Variants in U2AF2 observed in about 807,000 individuals in gnomAD.
U2AF2 encodes U2 small nuclear RNA auxiliary factor 2, also known as splicing factor U2AF 65 kDa subunit.
A neutral mutation model predicts 52.6 loss-of-function variants in U2AF2; 6 were observed. That is an observed-to-expected ratio of 0.11 (90% CI 0.06 to 0.23). U2AF2 has a LOEUF of 0.23. Ranked by LOEUF, U2AF2 falls within the 10% of genes least tolerant of loss-of-function variation. U2AF2 has a pLI of 1.00. For missense variants in U2AF2, 222 were observed against 677.1 expected (o/e 0.33, Z 7.46); for synonymous variants, 284 against 258.2 (o/e 1.10, Z -0.96).
rs1258177950 is a variant in U2AF2 at position 55,660,083 on chromosome 19, C to T, written c.186-94C>T. 5 of 1,283,590 alleles carry T rather than the reference C, an allele frequency of 3.9e-6. No homozygotes were observed. The East Asian group carries it at 1.2e-4, about 32-fold the overall frequency. 79.5% of individuals were successfully genotyped at this position (1,283,590 alleles called of 1,614,324 possible). A position where few individuals can be genotyped will look rare whatever the true frequency, so the allele number is the denominator to read the frequency against. On this transcript the variant is annotated intron_variant, in intron 2 of 11. Coordinates refer to ENST00000308924, the MANE Select transcript of U2AF2 (RefSeq NM_007279.3). ...CTTGTTGACCTCGGCCCTGCTCCCACCCTGGGGCTCAGTGCCCTTGGGGGG... is the reference window on the plus strand; with the variant it reads ...CTTGTTGACCTCGGCCCTGCTCCCATCCTGGGGCTCAGTGCCCTTGGGGGG...
chr19:55,665,217 C>T (rs1984472283), intron 7 of U2AF2, among the ~76,000 whole-genome samples: 1 of 152,262 alleles, frequency 6.6e-6, no homozygotes, highest in South Asian at 2.1e-4. Flanking sequence ...AGTGGCCCGC[C>T]ACTTGCTGGT....
At chr19:55,669,836 C>A (rs557958835) in intron 11 of U2AF2, 144 bp downstream of exon 11, 2 of 1,306,890 alleles carry the variant, frequency 1.5e-6, no homozygotes, top group East Asian at 2.5e-5. Context: ...TCTCGCAGCG[C>A]GTGCGTATAG....
chr19:55,656,465 GT>G (rs964208602), intron 1 of U2AF2, among the ~76,000 whole-genome samples: 8 of 152,128 alleles, frequency 5.3e-5, no homozygotes, highest in African/African-American at 1.9e-4. Context: ...CTGCTTTGTC[GT>G]TTAGTAACTG....
rs1449125585 is a variant in U2AF2 at position 55,668,879 on chromosome 19, C to T, written c.945+87C>T. 2.3e-5 allele frequency: 35 copies of T among 1,549,662 alleles called. No individual in the cohort carries two copies. The highest frequency in any genetic ancestry group is 3.5e-5 in the Admixed American group (2 of 56,440). Reference sequence around the variant, plus strand: ...GCCATGGTCTCCCCTCCTCAGGGGACGGGGCGGGAGGCGGCCAACCTGAGG... The same window carrying T: ...GCCATGGTCTCCCCTCCTCAGGGGATGGGGCGGGAGGCGGCCAACCTGAGG... On this transcript the variant is annotated intron_variant, in intron 9 of 11. Transcript: ENST00000308924. The surrounding 1 kb of genome is among the most constrained non-coding windows in gnomAD (Gnocchi z 5.5).
At position 55,674,261 on chromosome 19, in the gene U2AF2, G is replaced by A; in HGVS notation, c.*193G>A. The A allele has an allele frequency of 1.8e-6, 1 of 550,446 alleles. No individual in the cohort carries two copies. The highest frequency in any genetic ancestry group is 3.4e-5 in the Admixed American group (1 of 29,748). The allele number at this position is 550,446 out of a possible 1,614,324, so 34.1% of individuals were successfully genotyped here. On this transcript the variant is annotated 3_prime_UTR_variant, in exon 12 of 12. Transcript: ENST00000308924. ...GGGGTTGGGGGGTTAGGGCAGGGAG[G>A]GGACTGGGGAAGTGCGCACACAGCC...
intron 11 of U2AF2, among the ~76,000 whole-genome samples, chr19:55,673,344 TTTA>T (rs1159350150): frequency 2.3e-4 from 35 of 152,256 alleles, no homozygotes; most frequent in Admixed American, 2.2e-3. Flanking sequence ...TGCAAGCTCT[TTTA>T]TTTGTAGAAG....
intron 1 of U2AF2, 92 bp from the exon 2 acceptor site, chr19:55,659,118 G>A (rs899372757): frequency 1.4e-6 from 2 of 1,388,576 alleles, no homozygotes; most frequent in Non-Finnish European, 9.4e-7. Flanking sequence ...TGGCCTCCCT[G>A]GGGCTTGGGA....
intron 2 of U2AF2, 73 bp from the exon 3 acceptor site, chr19:55,660,104 G>A: frequency 1.4e-6 from 2 of 1,473,620 alleles, no homozygotes; most frequent in Non-Finnish European, 1.9e-6. Flanking sequence ...AGTGCCCTTG[G>A]GGGGGTGTGG....
In U2AF2 at chr19:55,668,906, A is replaced by T. The variant is rs1238967809; in HGVS notation, c.945+114A>T. On this transcript the variant is annotated intron_variant, in intron 9 of 11. Transcript: ENST00000308924. The surrounding 1 kb of genome is among the most constrained non-coding windows in gnomAD (Gnocchi z 5.5). ...GGGCGGGAGGCGGCCAACCTGAGGC[A>T]GTGCCCTGTGTGTGGGCTCGTCCCT... 2 of 1,529,474 alleles carry T rather than the reference A, an allele frequency of 1.3e-6. No homozygotes were observed. Among genetic ancestry groups the T allele is most frequent in the Non-Finnish European group, 1.8e-6 (2 of 1,135,306 alleles). 94.7% of individuals were successfully genotyped at this position (1,529,474 alleles called of 1,614,324 possible).
chr19:55,670,484 C>T (rs1600084328), intron 11 of U2AF2: 2 of 437,082 alleles, frequency 4.6e-6, no homozygotes, highest in Admixed American at 2.5e-5. Flanking sequence ...CCCTGCTGTC[C>T]GTGCACCCTG....
chr19:55,655,444 C>T (rs1179183354), intron 1 of U2AF2, among the ~76,000 whole-genome samples: 1 of 152,224 alleles, frequency 6.6e-6, no homozygotes, highest in Non-Finnish European at 1.5e-5. Context: ...ACGAGCGCGC[C>T]AGATGCCTCG....
At chr19:55,669,801 G>A (rs1984772742) in intron 11 of U2AF2, 109 bp downstream of exon 11, 9 of 1,428,078 alleles carry the variant, frequency 6.3e-6, no homozygotes, top group South Asian at 2.9e-5. Flanking sequence ...TCTTCTCCGC[G>A]CGCTCTTTCT....
chr19:55,655,436 G>T (rs1983721283), intron 1 of U2AF2, among the ~76,000 whole-genome samples: 1 of 152,226 alleles, frequency 6.6e-6, no homozygotes, highest in South Asian at 2.1e-4. Flanking sequence ...GACGCGGCAC[G>T]AGCGCGCCAG....
intron 11 of U2AF2, among the ~76,000 whole-genome samples, chr19:55,673,467 T>C (rs150504549): frequency 1.6e-3 from 243 of 152,328 alleles, no homozygotes; most frequent in African/African-American, 5.7e-3. Flanking sequence ...GAAGCTCGAA[T>C]AGATCAAGGT....
intron 11 of U2AF2, among the ~76,000 whole-genome samples, chr19:55,672,813 T>C (rs1985005062): frequency 6.6e-6 from 1 of 151,832 alleles, no homozygotes; most frequent in Admixed American, 6.6e-5. Context: ...GGTTAATTTT[T>C]TTTGTATTTT....
At chr19:55,664,068 G>A (rs1984389045) in intron 7 of U2AF2, 2 of 293,378 alleles carry the variant, frequency 6.8e-6, no homozygotes, top group Middle Eastern at 2.1e-3. Context: ...TGGGACCTTG[G>A]AGGGCTCAGT....
At position 55,668,617 on chromosome 19, in the gene U2AF2, C is replaced by T. The variant is rs747460078; in HGVS notation, c.822+31C>T. 10 of 1,596,916 alleles carry T rather than the reference C, an allele frequency of 6.3e-6. No individual in the cohort carries two copies. The highest frequency in any genetic ancestry group is 8.6e-6 in the Non-Finnish European group (10 of 1,167,844). The stretch of plus-strand genomic sequence containing the variant: ...TTCCCTGCCTCCCTCCAGACCCGTC[C>T]CCCCACCCCGCCCCACCTCATCCCA... On this transcript the variant is annotated intron_variant, in intron 8 of 11. Transcript: ENST00000308924. This position sits in a 1 kb window ranked among gnomAD's most constrained non-coding sequence, Gnocchi z 5.5.
chr19:55,662,993 C>A (rs1350006424), intron 6 of U2AF2, among the ~76,000 whole-genome samples: 1 of 152,112 alleles, frequency 6.6e-6, no homozygotes, highest in Non-Finnish European at 1.5e-5. Context: ...TCTTCTGTTA[C>A]CCCAGCTAAC....
intron 1 of U2AF2, among the ~76,000 whole-genome samples, chr19:55,656,356 G>C (rs2123667460): frequency 6.6e-6 from 1 of 152,284 alleles, no homozygotes; most frequent in South Asian, 2.1e-4. Context: ...AGTGTCCTGG[G>C]GAAGCAATAA....
Sources: allele counts gnomAD v4.1 joint callset (sites outside exome capture counted in the v4.1 genomes callset), GRCh38; gene constraint gnomAD v4.1.1; non-coding constraint Gnocchi (gnomAD v3.1); transcripts MANE v1.5; gene names NCBI Gene and HGNC (gene_info 2026-07-23, HGNC 2026-07-21).